Variants in RPS6KC1 observed in about 807,000 individuals in gnomAD.
RPS6KC1 encodes the protein inactive ribosomal protein S6 kinase delta-1.
RPS6KC1 carries 54 observed loss-of-function variants against 103.8 expected under a neutral mutation model. The ratio of observed to expected loss-of-function variants is 0.52; its 90% confidence interval spans 0.42 to 0.65. RPS6KC1 has a LOEUF of 0.65. RPS6KC1 is among the 30% of genes least tolerant of loss of function. The pLI, the probability that RPS6KC1 is intolerant of heterozygous loss-of-function variation, is 0.00. For missense variants in RPS6KC1, 1,151 were observed against 1,253.8 expected (o/e 0.92, Z 1.24); for synonymous variants, 439 against 438.7 (o/e 1.00, Z -0.01).
At chr1:213,209,494 A>C (rs2093440782) in intron 8 of RPS6KC1, among the ~76,000 whole-genome samples, 1 of 151,866 alleles carries the variant, frequency 6.6e-6, no homozygotes, top group East Asian at 1.9e-4. Context: ...TCAGGAGTTC[A>C]AGACCAGCCT....
chr1:213,410,728 T>C, the RPS6KC1 span, among the ~76,000 whole-genome samples: 2 of 151,614 alleles, frequency 1.3e-5, no homozygotes, highest in Non-Finnish European at 2.9e-5. Flanking sequence ...ATTGAAGGGG[T>C]GGACTGTGAG....
the RPS6KC1 span, among the ~76,000 whole-genome samples, chr1:213,364,893 G>A: frequency 3.2e-4 from 49 of 152,182 alleles, no homozygotes; most frequent in Non-Finnish European, 5.9e-4. Context: ...AGGAGGCGGA[G>A]GTTGCAGTAA....
chr1:213,813,798 A>C, the RPS6KC1 span, among the ~76,000 whole-genome samples: 1 of 152,168 alleles, frequency 6.6e-6, no homozygotes, highest in Non-Finnish European at 1.5e-5. Flanking sequence ...GGGGCTGCCA[A>C]CAGCAAGCTC....
the RPS6KC1 span, among the ~76,000 whole-genome samples, chr1:213,558,631 A>G: frequency 6.6e-6 from 1 of 152,240 alleles, no homozygotes; most frequent in East Asian, 1.9e-4. Flanking sequence ...CACTGTTAAA[A>G]TAAGTTTAGA....
At chr1:213,366,670 C>T in the RPS6KC1 span, among the ~76,000 whole-genome samples, 816 of 152,282 alleles carry the variant, frequency 5.4e-3, 10 homozygotes, top group African/African-American at 0.018. Context: ...CACAGAGTTG[C>T]GGAATGGGAA....
intron 1 of RPS6KC1, among the ~76,000 whole-genome samples, chr1:213,056,414 T>G (rs948845451): frequency 1.3e-5 from 2 of 152,220 alleles, no homozygotes; most frequent in East Asian, 3.8e-4. Flanking sequence ...ACCTGTATTA[T>G]AAAACATTTT....
the RPS6KC1 span, among the ~76,000 whole-genome samples, chr1:213,369,066 C>T: frequency 6.6e-6 from 1 of 152,146 alleles, no homozygotes; most frequent in Non-Finnish European, 1.5e-5. Flanking sequence ...TTCTGAGATT[C>T]GGGATTTTCT....
At chr1:213,676,231 C>T in the RPS6KC1 span, among the ~76,000 whole-genome samples, 1 of 152,296 alleles carries the variant, frequency 6.6e-6, no homozygotes, top group South Asian at 2.1e-4. Flanking sequence ...GTCCCCAAAA[C>T]ACCAAGGCCC....
chr1:213,524,582 A>G, the RPS6KC1 span, among the ~76,000 whole-genome samples: 3 of 152,196 alleles, frequency 2.0e-5, no homozygotes, highest in Non-Finnish European at 4.4e-5. Context: ...TGTGGAAAGT[A>G]TGGGCTTCAG....
At chr1:213,162,355 A>G (rs2090558563) in intron 6 of RPS6KC1, among the ~76,000 whole-genome samples, 1 of 152,034 alleles carries the variant, frequency 6.6e-6, no homozygotes, top group Non-Finnish European at 1.5e-5. Context: ...ATCACAGCTC[A>G]TTGCAGCCTT....
At chr1:213,145,386 A>G (rs2087624188) in intron 6 of RPS6KC1, among the ~76,000 whole-genome samples, 1 of 152,116 alleles carries the variant, frequency 6.6e-6, no homozygotes, top group Admixed American at 6.6e-5. Context: ...AGCTTGCAGG[A>G]TACGATATTT....
At chr1:213,263,714 A>G (rs1300849368) in intron 14 of RPS6KC1, among the ~76,000 whole-genome samples, 2 of 152,196 alleles carry the variant, frequency 1.3e-5, no homozygotes, top group Non-Finnish European at 2.9e-5. Flanking sequence ...CTTTCATTCA[A>G]CAAATATTAT....
chr1:213,824,885 C>T, the RPS6KC1 span, among the ~76,000 whole-genome samples: 5 of 152,164 alleles, frequency 3.3e-5, no homozygotes, highest in African/African-American at 9.7e-5. Flanking sequence ...TGCATTGATG[C>T]CCGCCTCCTG....
chr1:213,739,682 T>A, the RPS6KC1 span, among the ~76,000 whole-genome samples: 4 of 152,162 alleles, frequency 2.6e-5, no homozygotes, highest in Non-Finnish European at 4.4e-5. Context: ...GCATGACACT[T>A]CTTACTCAGA....
chr1:213,588,535 G>A, the RPS6KC1 span, among the ~76,000 whole-genome samples: 2 of 152,102 alleles, frequency 1.3e-5, no homozygotes, highest in African/African-American at 4.8e-5. Context: ...TCCTGACCTT[G>A]TGATCTGCCC....
the RPS6KC1 span, chr1:213,819,900 T>A: frequency 6.6e-6 from 1 of 152,228 alleles, no homozygotes; most frequent in African/African-American, 2.4e-5. Context: ...AGTCATTTTT[T>A]AATAAGAATG....
At chr1:213,478,517 C>T in the RPS6KC1 span, among the ~76,000 whole-genome samples, 9 of 152,262 alleles carry the variant, frequency 5.9e-5, no homozygotes, top group South Asian at 1.9e-3. Flanking sequence ...TCCAAAGCCT[C>T]ACCAGTATTT....
chr1:213,473,203 A>C, the RPS6KC1 span, among the ~76,000 whole-genome samples: 1 of 152,216 alleles, frequency 6.6e-6, no homozygotes, highest in African/African-American at 2.4e-5. Flanking sequence ...CAGTCTGGCA[A>C]TGGCAAAAGC....
intron 12 of RPS6KC1, among the ~76,000 whole-genome samples, chr1:213,244,885 A>G (rs888136291): frequency 1.3e-5 from 2 of 152,196 alleles, no homozygotes; most frequent in African/African-American, 4.8e-5. Context: ...TTATTTGCAT[A>G]AAAGAATTGT....
Sources: gnomAD v4.1 joint callset for allele counts (sites outside exome capture counted in the v4.1 genomes callset) on GRCh38, gnomAD v4.1.1 for gene constraint, MANE v1.5 for transcripts, NCBI Gene and HGNC (gene_info 2026-07-23, HGNC 2026-07-21) for gene names.